Variants in KCNT1 observed in about 807,000 individuals in gnomAD.
KCNT1 encodes the protein potassium channel subfamily T member 1.
KCNT1 carries 78 observed loss-of-function variants against 147.8 expected under a neutral mutation model. The ratio of observed to expected loss-of-function variants is 0.53; its 90% CI spans 0.44 to 0.64. The LOEUF (loss-of-function observed/expected upper bound fraction) is 0.64. Ranked by LOEUF, KCNT1 falls within the 30% of genes least tolerant of loss-of-function variation. KCNT1 has a pLI of 0.00. For synonymous variants in KCNT1, 867 were observed against 748.8 expected (o/e 1.16, Z -2.58); for missense variants, 1,419 against 1,750.3 (o/e 0.81, Z 3.38).
intron 17 of KCNT1, 66 bp downstream of exon 17, chr9:135,770,513 C>T (rs1401333548): frequency 2.0e-6 from 3 of 1,536,216 alleles, no homozygotes; most frequent in African/African-American, 2.7e-5. Flanking sequence ...CCTCCCCACC[C>T]TCCCGGTCAG....
At chr9:135,711,654 C>T (rs182311058) in intron 1 of KCNT1, among the ~76,000 whole-genome samples, 16 of 152,364 alleles carry the variant, frequency 1.1e-4, no homozygotes, top group Admixed American at 2.0e-4. Context: ...AAACAGCTGA[C>T]GGGGACTTCC....
chr9:135,752,074 G>A lies in KCNT1; in HGVS notation c.434+1033G>A, dbSNP rs7037014. On this transcript the variant is annotated intron_variant, in intron 4 of 30. Coordinates refer to ENST00000371757, the MANE Select transcript of KCNT1 (RefSeq NM_020822.3). This position sits in a 1 kb window ranked among gnomAD's most constrained non-coding sequence, Gnocchi z 5.1. ...TAGATTTCCTCAAATGTCTGGTGCC[G>A]TTTATGCGTAAGAGTGCTCAGGCGC... The A allele has an allele frequency of 0.27, 58,558 of 220,422 alleles. 8,441 individuals carry two copies. Among genetic ancestry groups the A allele is most frequent in the Middle Eastern group, 0.38 (202 of 534 alleles). 13.7% of individuals were successfully genotyped at this position (220,422 alleles called of 1,614,324 possible). A position where few individuals can be genotyped will look rare whatever the true frequency, so the allele number is the denominator to read the frequency against.
chr9:135,759,724 C>A lies in KCNT1; in HGVS notation c.900C>A (p.Ser300=), dbSNP rs781281081. 1 of 1,613,170 alleles carries A rather than the reference C, an allele frequency of 6.2e-7. No individual in the cohort carries two copies. Among genetic ancestry groups the A allele is most frequent in the Non-Finnish European group, 8.5e-7 (1 of 1,179,648 alleles). The part of the protein sequence containing the change: ...QHLERAGENL[S]LLTSFYFCIV... Reference sequence around the variant, plus strand: ...TGGAGCGGGCGGGCGAGAACCTGTCCCTCCTGACCTCCTTCTACTTCTGCA... The same window carrying A: ...TGGAGCGGGCGGGCGAGAACCTGTCACTCCTGACCTCCTTCTACTTCTGCA... The change falls in exon 11 of 31, where the codon TCC becomes TCA. Residue 300 remains serine (S), a synonymous_variant. Coordinates refer to ENST00000371757, the MANE Select transcript of KCNT1 (RefSeq NM_020822.3).
At chr9:135,718,785 G>C (rs755975440) in intron 2 of KCNT1, among the ~76,000 whole-genome samples, 4 of 152,204 alleles carry the variant, frequency 2.6e-5, no homozygotes, top group Non-Finnish European at 4.4e-5. Context: ...CGGGCTTCCT[G>C]TTTCCCCCGG....
chr9:135,777,595 C>T (rs902911585), intron 21 of KCNT1, 85 bp downstream of exon 21: 32 of 1,358,788 alleles, frequency 2.4e-5, no homozygotes, highest in African/African-American at 1.5e-4. Flanking sequence ...GCCCACCCTT[C>T]GCCTTTGCAG....
At chr9:135,731,991 T>TAGAGAGAGAGAGAGAG (rs1189149987) in intron 2 of KCNT1, among the ~76,000 whole-genome samples, 25 of 21,706 alleles carry the variant, frequency 1.2e-3, no homozygotes, top group South Asian at 2.2e-3. Context: ...TATATATATA[T>TAGAGAGAGAGAGAGAG]AGAGAGAGAG....
At chr9:135,737,910 A>C (rs545233414) in intron 2 of KCNT1, among the ~76,000 whole-genome samples, 1 of 152,290 alleles carries the variant, frequency 6.6e-6, no homozygotes, top group South Asian at 2.1e-4. Flanking sequence ...CCTGCAGCTA[A>C]TGGGCAGCCT....
chr9:135,752,065 T>C lies in KCNT1; in HGVS notation c.434+1024T>C. 1 of 219,692 alleles carries C rather than the reference T, an allele frequency of 4.6e-6. No individual in the cohort carries two copies. Among genetic ancestry groups the C allele is most frequent in the Non-Finnish European group, 9.2e-6 (1 of 108,322 alleles). 13.6% of individuals were successfully genotyped at this position (219,692 alleles called of 1,614,324 possible). A position where few individuals can be genotyped will look rare whatever the true frequency, so the allele number is the denominator to read the frequency against. On this transcript the variant is annotated intron_variant, in intron 4 of 30. Transcript: ENST00000371757. This position sits in a 1 kb window ranked among gnomAD's most constrained non-coding sequence, Gnocchi z 5.1. ...TCATACCCGTAGATTTCCTCAAATG[T>C]CTGGTGCCGTTTATGCGTAAGAGTG...
At chr9:135,777,057 A>C (rs1224343522) in intron 20 of KCNT1, among the ~76,000 whole-genome samples, 2 of 152,242 alleles carry the variant, frequency 1.3e-5, no homozygotes, top group Admixed American at 6.5e-5. Flanking sequence ...ATCTATGCCC[A>C]CACCTAGATC....
At chr9:135,724,272 G>C (rs1013014673) in intron 2 of KCNT1, among the ~76,000 whole-genome samples, 4 of 152,232 alleles carry the variant, frequency 2.6e-5, no homozygotes, top group Non-Finnish European at 4.4e-5. Context: ...GGCTCAGGGG[G>C]CACCATCTGC....
chr9:135,765,824 G>C (rs1832230733), intron 13 of KCNT1, 64 bp downstream of exon 13: 1 of 1,449,138 alleles, frequency 6.9e-7, no homozygotes, highest in Non-Finnish European at 9.4e-7. Flanking sequence ...CGGCTGCTCA[G>C]GGCTGAGGCA....
chr9:135,758,274 T>TCC, intron 9 of KCNT1, 140 bp from the exon 10 acceptor site: 3 of 649,806 alleles, frequency 4.6e-6, no homozygotes, highest in East Asian at 2.8e-5. Flanking sequence ...TGTGGCCAGG[T>TCC]ACAGGCTGCC....
At chr9:135,711,504 G>A (rs1057108965) in intron 1 of KCNT1, among the ~76,000 whole-genome samples, 9 of 152,390 alleles carry the variant, frequency 5.9e-5, no homozygotes, top group African/African-American at 2.2e-4. Flanking sequence ...CTGTTCTCAG[G>A]ATTCCATGCC....
At chr9:135,733,945 C>T (rs1299651771) in intron 2 of KCNT1, among the ~76,000 whole-genome samples, 3 of 148,892 alleles carry the variant, frequency 2.0e-5, no homozygotes, top group Admixed American at 6.6e-5. Flanking sequence ...CCAGCCTGGG[C>T]GCTGTCCCTC....
chr9:135,770,705 A>G, intron 17 of KCNT1, 152 bp from the exon 18 acceptor site: 1 of 840,224 alleles, frequency 1.2e-6, no homozygotes, highest in Non-Finnish European at 1.8e-6. Flanking sequence ...CTGGGACGGG[A>G]GGGCTCAGCC....
At chr9:135,763,435 G>C (rs1026569608) in intron 11 of KCNT1, among the ~76,000 whole-genome samples, 1 of 152,202 alleles carries the variant, frequency 6.6e-6, no homozygotes, top group South Asian at 2.1e-4. Context: ...TATCCTCCAG[G>C]CTCTTCGATC....
chr9:135,710,922 G>A (rs988274010), intron 1 of KCNT1, among the ~76,000 whole-genome samples: 13 of 152,158 alleles, frequency 8.5e-5, no homozygotes, highest in African/African-American at 2.9e-4. Flanking sequence ...TCTCAGGAAC[G>A]CTGTGCGCCC....
intron 29 of KCNT1, chr9:135,788,059 CTCTCTCTT>C: frequency 6.7e-7 from 1 of 1,482,342 alleles, no homozygotes; most frequent in Non-Finnish European, 9.4e-7. Context: ...TATTCTCTCT[CTCTCTCTT>C]TCTGTCTGTG....
intron 2 of KCNT1, among the ~76,000 whole-genome samples, chr9:135,739,690 C>T (rs560376396): frequency 1.8e-4 from 28 of 152,246 alleles, no homozygotes; most frequent in African/African-American, 5.1e-4. Flanking sequence ...AGTATGGTCC[C>T]GTCACCCCTG....
Sources: allele counts gnomAD v4.1 joint callset (sites outside exome capture counted in the v4.1 genomes callset), GRCh38; gene constraint gnomAD v4.1.1; non-coding constraint Gnocchi (gnomAD v3.1); transcripts MANE v1.5; gene names NCBI Gene and HGNC (gene_info 2026-07-23, HGNC 2026-07-21).